The following ASTN2 variants were observed in gnomAD, a reference collection of about 807,000 sequenced individuals.
The protein encoded by ASTN2 is astrotactin 2.
Under a neutral mutation model 139.8 loss-of-function variants are expected in ASTN2, and 54 were observed. That is an observed-to-expected ratio of 0.39 (90% CI 0.31 to 0.48). The LOEUF is 0.48. ASTN2 is among the 20% of genes least tolerant of loss of function. The pLI, the probability that ASTN2 is intolerant of heterozygous loss-of-function variation, is 0.95. For synonymous variants in ASTN2, 756 were observed against 719.5 expected, an observed-to-expected ratio of 1.05 and a Z score of -0.81; for missense variants, 1,565 against 1,725.1, an observed-to-expected ratio of 0.91 and a Z score of 1.64.
At chr9:116,501,631 T>C (rs1317996947) in intron 19 of ASTN2, among the ~76,000 whole-genome samples, 2 of 150,790 alleles carry the variant, frequency 1.3e-5, no homozygotes, top group African/African-American at 4.9e-5. Context: ...GCACCTGTTG[T>C]CATAGGTGGG....
Position 116,630,844 on chromosome 9 carries a change from A to G in ASTN2, c.3073-10401T>C, listed in dbSNP as rs1047170779. On this transcript the variant is annotated intron_variant, in intron 17 of 22. Coordinates refer to ENST00000313400, the MANE Select transcript of ASTN2 (RefSeq NM_001365068.1). Reference sequence around the variant, plus strand: ...AGGGTTAATATCCAGAATATATAATAGCAAAAAAATCCCAAAACAGAAAAC... The same window carrying G: ...AGGGTTAATATCCAGAATATATAATGGCAAAAAAATCCCAAAACAGAAAAC... Among the ~76,000 whole-genome samples the G allele has an allele frequency of 2.6e-5, 4 of 151,680 alleles. No individual in the cohort carries two copies. In the South Asian group the frequency reaches 8.3e-4, roughly 31 times the overall value.
intron 1 of ASTN2, among the ~76,000 whole-genome samples, chr9:117,298,898 G>T (rs1834807100): frequency 6.6e-6 from 1 of 151,968 alleles, no homozygotes; most frequent in South Asian, 2.1e-4. Context: ...TCCCATATTT[G>T]AAGTCAGATG....
At chr9:116,499,901 G>C (rs544970101) in intron 19 of ASTN2, among the ~76,000 whole-genome samples, 3 of 152,190 alleles carry the variant, frequency 2.0e-5, no homozygotes, top group East Asian at 3.9e-4. Context: ...ATCCACCAAA[G>C]CACAGGACCA....
intron 7 of ASTN2, among the ~76,000 whole-genome samples, chr9:116,992,908 A>C (rs1836898709): frequency 1.3e-5 from 2 of 152,256 alleles, no homozygotes; most frequent in East Asian, 3.9e-4. Context: ...TGGATTCTGA[A>C]TGCTTCTTTC....
At chr9:116,644,966 T>A (rs1352370349) in intron 17 of ASTN2, among the ~76,000 whole-genome samples, 1 of 152,184 alleles carries the variant, frequency 6.6e-6, no homozygotes. Context: ...ATGTCCAATG[T>A]CATATAATAA....
intron 1 of ASTN2, among the ~76,000 whole-genome samples, chr9:117,387,000 G>A (rs1830416810): frequency 6.6e-6 from 1 of 152,152 alleles, no homozygotes; most frequent in Non-Finnish European, 1.5e-5. Flanking sequence ...TGGGACCCTG[G>A]GAAGGTCCCT....
At chr9:117,081,767 G>C (rs1230708595) in intron 5 of ASTN2, among the ~76,000 whole-genome samples, 1 of 152,158 alleles carries the variant, frequency 6.6e-6, no homozygotes, top group East Asian at 1.9e-4. Flanking sequence ...CTACAGGGGA[G>C]ACATGTGGCA....
chr9:116,436,333 G>A (rs536206045), intron 22 of ASTN2, among the ~76,000 whole-genome samples: 3 of 152,216 alleles, frequency 2.0e-5, no homozygotes, highest in Admixed American at 1.3e-4. Flanking sequence ...GTGGGGTGGA[G>A]GGGCATAGAA....
In ASTN2 at chr9:116,836,570, A is replaced by AGTTTTGTTTT. The variant is rs59997144; in HGVS notation, c.2041-15797_2041-15788dup. 1.8e-3 allele frequency among the ~76,000 whole-genome samples: 272 copies of AGTTTTGTTTT among 150,476 alleles called. 1 individual carries two copies. Among genetic ancestry groups the AGTTTTGTTTT allele is most frequent in the African/African-American group, 5.4e-3 (219 of 40,878 alleles). On this transcript the variant is annotated intron_variant, in intron 11 of 22. Transcript: ENST00000313400. The stretch of plus-strand genomic sequence containing the variant: ...TCCCGGTATTTTGGCTAGGGAGAGC[A>AGTTTTGTTTT]GTTTTGTTTTGTTTTGTTTTGTTTT...
intron 19 of ASTN2, among the ~76,000 whole-genome samples, chr9:116,553,561 A>G (rs946603231): frequency 6.6e-6 from 1 of 152,212 alleles, no homozygotes; most frequent in African/African-American, 2.4e-5. Context: ...AAATGTTTAT[A>G]AGCATGTAGC....
At chr9:116,449,595 C>A (rs537008505) in intron 20 of ASTN2, among the ~76,000 whole-genome samples, 1 of 152,238 alleles carries the variant, frequency 6.6e-6, no homozygotes, top group African/African-American at 2.4e-5. Context: ...AAGACCCCCG[C>A]CCCAGTTCTT....
intron 6 of ASTN2, among the ~76,000 whole-genome samples, chr9:117,024,197 T>C (rs1240432689): frequency 6.6e-6 from 1 of 152,186 alleles, no homozygotes; most frequent in Non-Finnish European, 1.5e-5. Context: ...TCTACCTCAG[T>C]GAGAATTACC....
intron 13 of ASTN2, among the ~76,000 whole-genome samples, chr9:116,768,004 T>C (rs760712277): frequency 6.6e-6 from 1 of 152,152 alleles, no homozygotes; most frequent in Admixed American, 6.5e-5. Context: ...ACTCTATGCA[T>C]TGAAGATGAA....
At chr9:117,112,613 A>G (rs1434748978) in intron 4 of ASTN2, among the ~76,000 whole-genome samples, 1 of 152,216 alleles carries the variant, frequency 6.6e-6, no homozygotes, top group Non-Finnish European at 1.5e-5. Context: ...TATTAACTCA[A>G]AATGGATTAC....
intron 10 of ASTN2, among the ~76,000 whole-genome samples, chr9:116,896,883 A>G (rs987802396): frequency 5.3e-5 from 8 of 152,168 alleles, no homozygotes; most frequent in African/African-American, 1.9e-4. Context: ...TGTGGATTAC[A>G]ATTCGAGATG....
intron 22 of ASTN2, among the ~76,000 whole-genome samples, chr9:116,433,324 T>A (rs903520030): frequency 8.5e-5 from 13 of 152,214 alleles, no homozygotes; most frequent in Non-Finnish European, 2.9e-5. Flanking sequence ...AACAGGCAGA[T>A]AACAGAACAT....
chr9:116,891,654 A>G (rs1833764289), intron 10 of ASTN2, among the ~76,000 whole-genome samples: 1 of 152,210 alleles, frequency 6.6e-6, no homozygotes, highest in Non-Finnish European at 1.5e-5. Flanking sequence ...TCACTTGATG[A>G]ACTTAACATT....
At chr9:116,823,880 G>C (rs1831553747) in intron 11 of ASTN2, among the ~76,000 whole-genome samples, 1 of 152,182 alleles carries the variant, frequency 6.6e-6, no homozygotes, top group Non-Finnish European at 1.5e-5. Flanking sequence ...TTGAGGATGA[G>C]TAGGGGCAGA....
intron 19 of ASTN2, among the ~76,000 whole-genome samples, chr9:116,544,045 T>C (rs1454513828): frequency 3.3e-5 from 5 of 152,164 alleles, no homozygotes; most frequent in African/African-American, 1.2e-4. Flanking sequence ...GAGTTAGCAA[T>C]GTCCAAATTC....
Sources: allele counts gnomAD v4.1 joint callset (sites outside exome capture counted in the v4.1 genomes callset), GRCh38; gene constraint gnomAD v4.1.1; transcripts MANE v1.5; gene names NCBI Gene and HGNC (gene_info 2026-07-23, HGNC 2026-07-21).